The following TRIM14 variants were observed in gnomAD, a reference collection of about 807,000 sequenced individuals.
The protein encoded by TRIM14 is tripartite motif-containing protein 14.
A neutral mutation model predicts 44.5 loss-of-function variants in TRIM14; 28 were observed. That is an observed-to-expected ratio of 0.63 (90% CI 0.47 to 0.86). The LOEUF (loss-of-function observed/expected upper bound fraction) is 0.86, where lower values mean the gene tolerates loss of function less well. Ranked by LOEUF, TRIM14 falls within the 40% of genes least tolerant of loss-of-function variation. TRIM14 has a pLI of 0.00. For missense variants in TRIM14, 607 were observed against 611.1 expected, an observed-to-expected ratio of 0.99 and a Z score of 0.07; for synonymous variants, 299 against 269.2, an observed-to-expected ratio of 1.11 and a Z score of -1.08.
At chr9:98,073,563 G>A (rs1424907013) in intron 6 of TRIM14, among the ~76,000 whole-genome samples, 3 of 149,840 alleles carry the variant, frequency 2.0e-5, no homozygotes, top group Admixed American at 6.6e-5. Flanking sequence ...GATTACAGGC[G>A]TGAGCCACCG....
chr9:98,067,042 A>G (rs184251328), downstream of TRIM14, among the ~76,000 whole-genome samples: 44 of 152,304 alleles, frequency 2.9e-4, 1 homozygote, highest in Admixed American at 1.6e-3. Context: ...GACTTCTTTC[A>G]TATAACATTG....
the TRIM14 span, among the ~76,000 whole-genome samples, chr9:98,054,975 A>C: frequency 6.6e-6 from 1 of 152,186 alleles, no homozygotes; most frequent in Non-Finnish European, 1.5e-5. Flanking sequence ...ATTATTACTC[A>C]CATCAATTTC....
chr9:98,078,000 G>C, intron 6 of TRIM14: 2 of 693,428 alleles, frequency 2.9e-6, no homozygotes. Context: ...GGGCAGAGGG[G>C]AGCCCACCTT....
chr9:98,053,291 A>G, the TRIM14 span, among the ~76,000 whole-genome samples: 2 of 152,230 alleles, frequency 1.3e-5, no homozygotes, highest in African/African-American at 4.8e-5. Context: ...GAACCCCAAA[A>G]TTCCTGTCCT....
chr9:98,072,507 G>A (rs1335068364), intron 6 of TRIM14, among the ~76,000 whole-genome samples: 8 of 151,966 alleles, frequency 5.3e-5, no homozygotes, highest in Non-Finnish European at 1.5e-5. Context: ...CACCTCACGG[G>A]TTCAAGCAGT....
At chr9:98,078,551 C>T (rs1479338254) in intron 6 of TRIM14, among the ~76,000 whole-genome samples, 1 of 151,976 alleles carries the variant, frequency 6.6e-6, no homozygotes, top group Admixed American at 6.6e-5. Flanking sequence ...ATGAAATTTT[C>T]TTGGCCAGGC....
chr9:98,089,871 G>A (rs568346445), intron 5 of TRIM14, among the ~76,000 whole-genome samples: 8 of 152,310 alleles, frequency 5.3e-5, no homozygotes, highest in African/African-American at 1.7e-4. Flanking sequence ...AGGGCAGGAG[G>A]AGCCTGTACC....
At chr9:98,049,407 G>A in the TRIM14 span, among the ~76,000 whole-genome samples, 4 of 150,216 alleles carry the variant, frequency 2.7e-5, no homozygotes, top group African/African-American at 9.8e-5. Flanking sequence ...AAGGGCTGCT[G>A]GCTGTCCACT....
intron 6 of TRIM14, among the ~76,000 whole-genome samples, chr9:98,071,481 T>C (rs1357326178): frequency 2.6e-5 from 4 of 152,250 alleles, no homozygotes; most frequent in African/African-American, 9.6e-5. Flanking sequence ...AGAACCCATC[T>C]GGGAGGGAAA....
the TRIM14 span, among the ~76,000 whole-genome samples, chr9:98,059,549 G>A: frequency 6.6e-6 from 1 of 152,090 alleles, no homozygotes; most frequent in African/African-American, 2.4e-5. Flanking sequence ...TGAGTAGCTG[G>A]GACTACAAGC....
intron 3 of TRIM14, among the ~76,000 whole-genome samples, chr9:98,097,925 C>T (rs927733668): frequency 1.3e-5 from 2 of 152,176 alleles, no homozygotes; most frequent in Non-Finnish European, 2.9e-5. Context: ...CCCATTATGC[C>T]TAGGAAAACA....
At chr9:98,062,465 T>A in the TRIM14 span, among the ~76,000 whole-genome samples, 3 of 151,806 alleles carry the variant, frequency 2.0e-5, no homozygotes, top group African/African-American at 4.8e-5. Context: ...GTAAAAAAAA[T>A]TTTACTTGTA....
chr9:98,083,123 G>A (rs1191269264), downstream of TRIM14: 81 of 1,494,364 alleles, frequency 5.4e-5, no homozygotes, highest in East Asian at 1.7e-3. Flanking sequence ...TGAGTGAGGC[G>A]AGGGCAGGAA....
chr9:98,068,924 A>T (rs191418019), downstream of TRIM14, among the ~76,000 whole-genome samples: 1 of 152,178 alleles, frequency 6.6e-6, no homozygotes, highest in Non-Finnish European at 1.5e-5. Flanking sequence ...GAATGATCCA[A>T]TCACTCTAGA....
Position 98,094,825 on chromosome 9 carries a change from T to G in TRIM14, c.700+42A>C, listed in dbSNP as rs779382615. The stretch of plus-strand genomic sequence containing the variant: ...CATTCGTCTCTGGGCTAAAGGACAC[T>G]AGGGGAGTTAAGGACACAAAGTTGG... On this transcript the variant is annotated intron_variant, in intron 4 of 5. Transcript: ENST00000341469. 3 of 1,599,186 alleles carry G rather than the reference T, an allele frequency of 1.9e-6. No homozygotes were observed. In the Middle Eastern group the frequency reaches 5.0e-4, roughly 267 times the overall value.
chr9:98,114,934 T>C (rs1826993330), intron 1 of TRIM14, among the ~76,000 whole-genome samples: 1 of 152,198 alleles, frequency 6.6e-6, no homozygotes, highest in South Asian at 2.1e-4. Context: ...CTGATTCTTT[T>C]TATATTGTTT....
the TRIM14 span, among the ~76,000 whole-genome samples, chr9:98,041,648 C>T: frequency 3.3e-5 from 5 of 151,778 alleles, no homozygotes; most frequent in South Asian, 2.1e-4. Flanking sequence ...TGTGCCACCA[C>T]GCCAGGCTAA....
At chr9:98,080,864 G>GA, downstream of TRIM14, 1 of 1,612,228 alleles carries the variant, frequency 6.2e-7, no homozygotes, top group Non-Finnish European at 8.5e-7. Flanking sequence ...TTCTGGGCAT[G>GA]AAACAGGCAT....
At chr9:98,105,627 T>A (rs768004138) in intron 2 of TRIM14, among the ~76,000 whole-genome samples, 1 of 152,090 alleles carries the variant, frequency 6.6e-6, no homozygotes, top group South Asian at 2.1e-4. Flanking sequence ...GTAAATTCAC[T>A]GATGCCAAAA....
Sources: allele counts gnomAD v4.1 joint callset (sites outside exome capture counted in the v4.1 genomes callset), GRCh38; gene constraint gnomAD v4.1.1; transcripts MANE v1.5; gene names NCBI Gene and HGNC (gene_info 2026-07-23, HGNC 2026-07-21).